The following POLR3B variants were observed in gnomAD, a reference collection of about 807,000 sequenced individuals.
POLR3B encodes the protein RNA polymerase III subunit B, also known as DNA-directed RNA polymerase III subunit RPC2.
Under a neutral mutation model 147.4 loss-of-function variants are expected in POLR3B, and 96 were observed. The observed-to-expected ratio is 0.65, with a 90% CI of 0.55 to 0.77. The LOEUF (loss-of-function observed/expected upper bound fraction) is 0.77. POLR3B is among the 30% of genes least tolerant of loss of function. POLR3B has a pLI of 0.00. For synonymous variants in POLR3B, 461 were observed against 485.9 expected (o/e 0.95, Z 0.67); for missense variants, 1,036 against 1,413.5 (o/e 0.73, Z 4.28).
intron 13 of POLR3B, among the ~76,000 whole-genome samples, chr12:106,429,014 T>C (rs1049160260): frequency 6.6e-6 from 1 of 152,196 alleles, no homozygotes; most frequent in African/African-American, 2.4e-5. Context: ...CAAAAATGAA[T>C]ATAAAATTTT....
At chr12:106,363,626 CTTA>C (rs2036496302) in intron 1 of POLR3B, among the ~76,000 whole-genome samples, 1 of 152,180 alleles carries the variant, frequency 6.6e-6, no homozygotes, top group South Asian at 2.1e-4. Flanking sequence ...TTGAAAAGTG[CTTA>C]AAATCTTGAG....
intron 9 of POLR3B, among the ~76,000 whole-genome samples, chr12:106,384,585 G>A (rs781430125): frequency 2.0e-5 from 3 of 152,104 alleles, no homozygotes; most frequent in African/African-American, 7.2e-5. Context: ...TGCTGTAATC[G>A]AGTGTCTGTT....
intron 12 of POLR3B, among the ~76,000 whole-genome samples, chr12:106,417,588 T>C (rs1199005285): frequency 6.6e-6 from 1 of 152,162 alleles, no homozygotes; most frequent in African/African-American, 2.4e-5. Flanking sequence ...TCACAGCAGA[T>C]AGTACCACAA....
chr12:106,498,751 A>G (rs866670271), intron 25 of POLR3B, among the ~76,000 whole-genome samples: 45 of 152,174 alleles, frequency 3.0e-4, no homozygotes, highest in Middle Eastern at 3.4e-3. Context: ...ATGCCCAGCT[A>G]GTTTTTGTAT....
At chr12:106,487,794 T>G (rs2038359967) in intron 23 of POLR3B, among the ~76,000 whole-genome samples, 1 of 152,192 alleles carries the variant, frequency 6.6e-6, no homozygotes, top group South Asian at 2.1e-4. Flanking sequence ...ACAGTGGTAG[T>G]TATGTGCTGC....
chr12:106,398,592 C>T (rs1307629859), intron 10 of POLR3B, among the ~76,000 whole-genome samples: 5 of 152,160 alleles, frequency 3.3e-5, no homozygotes, highest in Non-Finnish European at 5.9e-5. Flanking sequence ...CCAGTAGGGG[C>T]GGACTGACAC....
rs34402190 is a variant in POLR3B at position 106,393,767 on chromosome 12, T to TACACACAC, written c.846+645_846+652dup. 2.7e-4 allele frequency among the ~76,000 whole-genome samples: 34 copies of TACACACAC among 128,028 alleles called. 1 individual carries two copies. Among genetic ancestry groups the TACACACAC allele is most frequent in the Middle Eastern group, 4.0e-3 (1 of 252 alleles). 84.0% of individuals were successfully genotyped at this position (128,028 alleles called of 152,430 possible). On this transcript the variant is annotated intron_variant, in intron 10 of 27. Transcript: ENST00000228347. ...AGACTCAAAGATGAAGACTGAGAAA[T>TACACACAC]ACACACACACACACACACACACACA... is the stretch of plus-strand genomic sequence containing the variant.
At chr12:106,397,345 A>G (rs571625946) in intron 10 of POLR3B, among the ~76,000 whole-genome samples, 1 of 152,314 alleles carries the variant, frequency 6.6e-6, no homozygotes, top group African/African-American at 2.4e-5. Flanking sequence ...TCTTAATTGT[A>G]TGACTTTACA....
Position 106,457,330 on chromosome 12 carries a change from T to A in POLR3B, c.2452+34T>A, listed in dbSNP as rs771253194. 2.0e-6 allele frequency: 3 copies of A among 1,521,598 alleles called. No individual in the cohort carries two copies. The African/African-American group carries it at 4.1e-5, about 21-fold the overall frequency. The allele number at this position is 1,521,598 out of a possible 1,614,324, so 94.3% of individuals were successfully genotyped here. A position where few individuals can be genotyped will look rare whatever the true frequency, so the allele number is the denominator to read the frequency against. On this transcript the variant is annotated intron_variant, in intron 21 of 27. Transcript: ENST00000228347. ...CTTTTAAAAGAAAAAATTTTAATAC[T>A]TTTTGACATCATATGTTATTCAATA...
At chr12:106,396,619 A>T (rs2036983417) in intron 10 of POLR3B, among the ~76,000 whole-genome samples, 1 of 152,238 alleles carries the variant, frequency 6.6e-6, no homozygotes, top group Admixed American at 6.5e-5. Context: ...ATAAAGAATT[A>T]AAACTGCAGA....
intron 12 of POLR3B, among the ~76,000 whole-genome samples, chr12:106,417,079 A>T (rs3851633): frequency 0.33 from 49,817 of 152,104 alleles, 11,135 homozygotes; most frequent in African/African-American, 0.64. Context: ...CTAAATTAAC[A>T]TGTAATTCTT....
chr12:106,426,934 A>G (rs2037447385), intron 12 of POLR3B, among the ~76,000 whole-genome samples: 1 of 146,344 alleles, frequency 6.8e-6, no homozygotes, highest in Non-Finnish European at 1.5e-5. Flanking sequence ...CTGAAAGTCT[A>G]GAAGTGACTG....
intron 19 of POLR3B, among the ~76,000 whole-genome samples, chr12:106,450,488 T>C (rs2037780802): frequency 6.6e-6 from 1 of 152,124 alleles, no homozygotes; most frequent in African/African-American, 2.4e-5. Context: ...CAAGTATATA[T>C]AAAGAACACT....
Position 106,427,180 on chromosome 12 carries a change from T to G in POLR3B, c.1102-17T>G, listed in dbSNP as rs1593035152. ...GCTTTTTGAAAAATCACCATATACC[T>G]TTTTTTTTTTTTTTAGCTTTTATCT... On this transcript the variant is annotated splice_polypyrimidine_tract_variant and intron_variant, in intron 12 of 27. Transcript: ENST00000228347. 5.7e-5 allele frequency: 7 copies of G among 123,452 alleles called. No individual in the cohort carries two copies. In the Admixed American group the frequency reaches 9.3e-4, roughly 16 times the overall value. 7.6% of individuals were successfully genotyped at this position (123,452 alleles called of 1,614,324 possible).
At chr12:106,385,336 A>C (rs1565879918) in intron 9 of POLR3B, among the ~76,000 whole-genome samples, 1 of 152,224 alleles carries the variant, frequency 6.6e-6, no homozygotes, top group Non-Finnish European at 1.5e-5. Context: ...GTATAAAATG[A>C]ATCTTGATAA....
intron 23 of POLR3B, among the ~76,000 whole-genome samples, chr12:106,481,036 G>A (rs1160499752): frequency 6.6e-6 from 1 of 152,208 alleles, no homozygotes; most frequent in Non-Finnish European, 1.5e-5. Context: ...TCTGGCTGAA[G>A]AGCATTTGAG....
chr12:106,509,083 T>C (rs2038734456), intron 27 of POLR3B, among the ~76,000 whole-genome samples: 2 of 152,242 alleles, frequency 1.3e-5, no homozygotes, highest in Admixed American at 6.5e-5. Context: ...AATTTCCCAA[T>C]GGTTCAGATT....
At chr12:106,391,984 C>T (rs1315997807) in intron 9 of POLR3B, among the ~76,000 whole-genome samples, 1 of 152,110 alleles carries the variant, frequency 6.6e-6, no homozygotes, top group African/African-American at 2.4e-5. Flanking sequence ...ATTACTCTTC[C>T]AGGAGAGATT....
chr12:106,507,816 A>G, intron 27 of POLR3B: 1 of 456,004 alleles, frequency 2.2e-6, no homozygotes, highest in Non-Finnish European at 4.4e-6. Context: ...CTTTTCTAAA[A>G]TAATACAAGC....
Sources: allele counts gnomAD v4.1 joint callset (sites outside exome capture counted in the v4.1 genomes callset), GRCh38; gene constraint gnomAD v4.1.1; transcripts MANE v1.5; gene names NCBI Gene and HGNC (gene_info 2026-07-23, HGNC 2026-07-21).